The following ABLIM2 variants were observed in gnomAD, a reference collection of about 807,000 sequenced individuals.
The protein encoded by ABLIM2 is actin binding LIM protein family member 2, also known as actin-binding LIM protein 2.
A neutral mutation model predicts 97.7 loss-of-function variants in ABLIM2; 53 were observed. The observed-to-expected ratio is 0.54, with a 90% CI of 0.44 to 0.68. The LOEUF is 0.68. Ranked by LOEUF, ABLIM2 falls within the 30% of genes least tolerant of loss-of-function variation. ABLIM2 has a pLI of 0.00. For missense variants in ABLIM2, 835 were observed against 867.2 expected (o/e 0.96, Z 0.47); for synonymous variants, 361 against 345.8 (o/e 1.04, Z -0.49).
At chr4:8,117,365 C>T (rs1195388980) in intron 1 of ABLIM2, among the ~76,000 whole-genome samples, 1 of 152,168 alleles carries the variant, frequency 6.6e-6, no homozygotes, top group Non-Finnish European at 1.5e-5. Flanking sequence ...CTGCAAGTCA[C>T]ACCTACAGAC....
chr4:8,014,622 G>A (rs1384451476), intron 14 of ABLIM2, among the ~76,000 whole-genome samples: 1 of 152,232 alleles, frequency 6.6e-6, no homozygotes, highest in Non-Finnish European at 1.5e-5. Flanking sequence ...AGGATCGGGG[G>A]AATGCAGGGT....
At chr4:8,035,058 G>A (rs1258551605) in intron 10 of ABLIM2, among the ~76,000 whole-genome samples, 2 of 76,772 alleles carry the variant, frequency 2.6e-5, no homozygotes, top group Non-Finnish European at 6.0e-5. Context: ...TGGTAGGTAG[G>A]TGGGTGCAGG....
At chr4:8,157,650 C>T (rs1174942847) in intron 1 of ABLIM2, among the ~76,000 whole-genome samples, 1 of 152,242 alleles carries the variant, frequency 6.6e-6, no homozygotes, top group Non-Finnish European at 1.5e-5. Flanking sequence ...CTCCCCAGTC[C>T]GATCTCCCTC....
Position 8,096,527 on chromosome 4 carries a change from G to A in ABLIM2, c.338+572C>T, listed in dbSNP as rs183920625. Among the ~76,000 whole-genome samples, 988 of 152,306 alleles carry A rather than the reference G, an allele frequency of 6.5e-3. 9 individuals are homozygous for A. The highest frequency in any genetic ancestry group is 0.034 in the Middle Eastern group (10 of 294). ...CTGTCCTTAGCATCCTCTGACGAAG[G>A]TTCCATTTCTGTCTCCGGCACACGC... On this transcript the variant is annotated intron_variant, in intron 3 of 20. Coordinates refer to ENST00000447017, the MANE Select transcript of ABLIM2 (RefSeq NM_001130083.2).
chr4:8,102,901 A>C (rs1264521932), intron 2 of ABLIM2, among the ~76,000 whole-genome samples: 1 of 152,142 alleles, frequency 6.6e-6, no homozygotes, highest in Non-Finnish European at 1.5e-5. Context: ...CTGGCCAATG[A>C]GTCATATGGG....
At chr4:8,007,255 G>A in intron 16 of ABLIM2, 7 of 985,346 alleles carry the variant, frequency 7.1e-6, no homozygotes, top group East Asian at 1.1e-4. Context: ...CTAACACCTG[G>A]CGCCCATCAC....
intron 1 of ABLIM2, among the ~76,000 whole-genome samples, chr4:8,111,670 T>C (rs1231230247): frequency 6.6e-6 from 1 of 152,158 alleles, no homozygotes; most frequent in East Asian, 1.9e-4. Context: ...CTCACGCCTG[T>C]AATCCCAGCA....
intron 2 of ABLIM2, among the ~76,000 whole-genome samples, chr4:8,101,911 C>T (rs1368810826): frequency 6.6e-6 from 1 of 152,202 alleles, no homozygotes; most frequent in Non-Finnish European, 1.5e-5. Context: ...AAGGACAGAG[C>T]CAGCTGGATC....
In ABLIM2 at chr4:8,044,234, G is replaced by A. The variant is rs367857866; in HGVS notation, c.900+930C>T. ...ACCCAGGTCCTGGCCTGGCGGGGACGGGGAGGGGAGAAGGGGCTTGTCCCA... is the reference window on the plus strand; with the variant it reads ...ACCCAGGTCCTGGCCTGGCGGGGACAGGGAGGGGAGAAGGGGCTTGTCCCA... On this transcript the variant is annotated intron_variant, in intron 9 of 20. Coordinates refer to ENST00000447017, the MANE Select transcript of ABLIM2 (RefSeq NM_001130083.2). This position sits in a 1 kb window ranked among gnomAD's most constrained non-coding sequence, Gnocchi z 4.4. Among the ~76,000 whole-genome samples the A allele has an allele frequency of 1.2e-4, 19 of 152,170 alleles. No homozygotes were observed. Among genetic ancestry groups the A allele is most frequent in the South Asian group, 2.1e-4 (1 of 4,834 alleles).
chr4:7,974,686 AACCCATCCATCCACCC>A (rs1416426176), intron 20 of ABLIM2, among the ~76,000 whole-genome samples: 1 of 112,356 alleles, frequency 8.9e-6, no homozygotes, highest in Non-Finnish European at 1.9e-5. Context: ...TCCATCCACC[AACCCATCCATCCACCC>A]ACCCATGCAT....
intron 1 of ABLIM2, among the ~76,000 whole-genome samples, chr4:8,158,225 C>T (rs566098313): frequency 6.6e-6 from 1 of 152,226 alleles, no homozygotes; most frequent in African/African-American, 2.4e-5. Context: ...ACGCCCCCAA[C>T]CCAGGCGCTG....
Position 8,075,884 on chromosome 4 carries a change from C to G in ABLIM2, c.675+1744G>C, listed in dbSNP as rs1026312142. Reference sequence around the variant, plus strand: ...AAACACAGGGATGTTTGGGATACAACATGGCACAGATGGTTTGAGATCAAC... The same window carrying G: ...AAACACAGGGATGTTTGGGATACAAGATGGCACAGATGGTTTGAGATCAAC... On this transcript the variant is annotated intron_variant, in intron 6 of 20. Coordinates refer to ENST00000447017, the MANE Select transcript of ABLIM2 (RefSeq NM_001130083.2). This position sits in a 1 kb window ranked among gnomAD's most constrained non-coding sequence, Gnocchi z 4.4. Among the ~76,000 whole-genome samples the G allele has an allele frequency of 2.0e-5, 3 of 152,202 alleles. No individual in the cohort carries two copies. Among genetic ancestry groups the G allele is most frequent in the Non-Finnish European group, 4.4e-5 (3 of 68,038 alleles).
Position 8,002,253 on chromosome 4 carries a change from G to C in ABLIM2, c.1618+5806C>G, listed in dbSNP as rs940839881. Among the ~76,000 whole-genome samples the C allele has an allele frequency of 6.6e-6, 1 of 152,130 alleles. No individual in the cohort carries two copies. Among genetic ancestry groups the C allele is most frequent in the Non-Finnish European group, 1.5e-5 (1 of 68,028 alleles). Reference sequence around the variant, plus strand: ...CTCAGGCTCTCCAAGCCAACATGAAGACACCCACCTGTTCTCATCCCATCT... The same window carrying C: ...CTCAGGCTCTCCAAGCCAACATGAACACACCCACCTGTTCTCATCCCATCT... On this transcript the variant is annotated intron_variant, in intron 16 of 20. Coordinates refer to ENST00000447017, the MANE Select transcript of ABLIM2 (RefSeq NM_001130083.2). This position sits in a 1 kb window ranked among gnomAD's most constrained non-coding sequence, Gnocchi z 6.1.
At chr4:7,972,930 C>A (rs1729305336) in intron 20 of ABLIM2, among the ~76,000 whole-genome samples, 1 of 152,080 alleles carries the variant, frequency 6.6e-6, no homozygotes, top group Admixed American at 6.6e-5. Flanking sequence ...GATATTCTTT[C>A]ACTGTGGGGC....
chr4:8,108,810 T>A (rs1229813021), intron 1 of ABLIM2, among the ~76,000 whole-genome samples: 1 of 152,238 alleles, frequency 6.6e-6, no homozygotes, highest in Non-Finnish European at 1.5e-5. Context: ...TCTGAGAAAG[T>A]TGCCTCCACT....
At chr4:7,967,209 G>C (rs13137347) in intron 20 of ABLIM2, 106 bp from the exon 21 acceptor site, 178,270 of 905,854 alleles carry the variant, frequency 0.2, 19,598 homozygotes, top group East Asian at 0.33. Context: ...ATTGCATTGA[G>C]GATGGGGTGG....
chr4:8,034,881 C>T (rs1483761995), intron 10 of ABLIM2, among the ~76,000 whole-genome samples: 3 of 26,160 alleles, frequency 1.1e-4, no homozygotes, highest in African/African-American at 3.1e-4. Flanking sequence ...GGGTTCAGGT[C>T]GGTGGGTGGT....
At chr4:8,051,575 A>G (rs1057393156) in intron 8 of ABLIM2, among the ~76,000 whole-genome samples, 2 of 151,456 alleles carry the variant, frequency 1.3e-5, no homozygotes, top group Admixed American at 6.6e-5. Flanking sequence ...AAAAAAAAAA[A>G]AAAAGAAAAG....
chr4:8,062,112 C>T lies in ABLIM2; in HGVS notation c.676-1058G>A, dbSNP rs575967502. On this transcript the variant is annotated intron_variant, in intron 6 of 20. Coordinates refer to ENST00000447017, the MANE Select transcript of ABLIM2 (RefSeq NM_001130083.2). ...AGCTGTCCCCTCCACTGGAGCAGCC[C>T]TCCCACACTCCCACCCCTGCCACCC... 5.2e-4 allele frequency among the ~76,000 whole-genome samples: 79 copies of T among 151,922 alleles called. 1 individual carries two copies. In the South Asian group the frequency reaches 0.015, roughly 29 times the overall value.
Sources: gnomAD v4.1 joint callset for allele counts (sites outside exome capture counted in the v4.1 genomes callset) on GRCh38, gnomAD v4.1.1 for gene constraint, Gnocchi (gnomAD v3.1) non-coding constraint, MANE v1.5 for transcripts, NCBI Gene and HGNC (gene_info 2026-07-23, HGNC 2026-07-21) for gene names.